Variants in GREB1 observed in about 807,000 individuals in gnomAD.
The protein encoded by GREB1 is protein GREB1.
In GREB1, 106 loss-of-function variants were observed where a neutral mutation model predicts 200.7. The ratio of observed to expected loss-of-function variants is 0.53; its 90% CI spans 0.45 to 0.62. The LOEUF is 0.62. GREB1 is among the 20% of genes least tolerant of loss of function. GREB1 has a pLI of 0.00. For synonymous variants in GREB1, 1,132 were observed against 1,092.4 expected, an observed-to-expected ratio of 1.04 and a Z score of -0.72; for missense variants, 2,243 against 2,556.8, an observed-to-expected ratio of 0.88 and a Z score of 2.65.
intron 17 of GREB1, among the ~76,000 whole-genome samples, chr2:11,605,235 C>CT (rs918596674): frequency 5.2e-5 from 5 of 96,196 alleles, no homozygotes; most frequent in East Asian, 3.5e-4. Flanking sequence ...CTTTTTTTTT[C>CT]TTTTTTTTGA....
In GREB1 at chr2:11,551,820, C is replaced by CCCT. The variant is rs550651185; in HGVS notation, c.-161-4630_-161-4628dup. 1.3e-3 allele frequency among the ~76,000 whole-genome samples: 197 copies of CCCT among 152,294 alleles called. 1 individual carries two copies. The highest frequency in any genetic ancestry group is 4.5e-3 in the African/African-American group (188 of 41,562). On this transcript the variant is annotated intron_variant, in intron 1 of 32. Transcript: ENST00000381486. ...CCGTGGCCAAAAATATCCTACTCAG[C>CCCT]CCTCCTGGCCTGCTTCCAGTACCAG...
chr2:11,600,656 T>A (rs1681700120), intron 15 of GREB1, 144 bp from the exon 16 acceptor site: 2 of 697,360 alleles, frequency 2.9e-6, no homozygotes, highest in African/African-American at 3.6e-5. Flanking sequence ...TTTTTTATTT[T>A]CTCTATTCTT....
chr2:11,608,040 C>T (rs1682565780), intron 17 of GREB1, among the ~76,000 whole-genome samples: 2 of 152,120 alleles, frequency 1.3e-5, no homozygotes, highest in African/African-American at 4.8e-5. Flanking sequence ...TCTCTAGATT[C>T]CAGAGGGGGA....
In GREB1 at chr2:11,640,661, A is replaced by G; in HGVS notation, c.*207A>G. On this transcript the variant is annotated 3_prime_UTR_variant, in exon 33 of 33. Coordinates refer to ENST00000381486, the MANE Select transcript of GREB1 (RefSeq NM_014668.4). This position sits in a 1 kb window ranked among gnomAD's most constrained non-coding sequence, Gnocchi z 4.6. ...CGCAGTGGGTGAGAATGAAAACTTGAGACTCCCAAGTTCTGGGCCAGCCCA... is the reference window on the plus strand; with the variant it reads ...CGCAGTGGGTGAGAATGAAAACTTGGGACTCCCAAGTTCTGGGCCAGCCCA... 1.7e-6 allele frequency: 1 copy of G among 572,904 alleles called. No individual in the cohort carries two copies. Among genetic ancestry groups the G allele is most frequent in the Non-Finnish European group, 3.0e-6 (1 of 330,700 alleles). 35.5% of individuals were successfully genotyped at this position (572,904 alleles called of 1,614,324 possible).
upstream of GREB1, among the ~76,000 whole-genome samples, chr2:11,533,062 C>A (rs1674134793): frequency 6.6e-6 from 1 of 152,152 alleles, no homozygotes; most frequent in African/African-American, 2.4e-5. Context: ...GAATGAATGG[C>A]AACTCCAAAC....
rs1275179635 is a variant in GREB1, at chr2:11,596,238, A to C, written c.1953A>C (p.Thr651=). 1 of 1,612,704 alleles carries C rather than the reference A, an allele frequency of 6.2e-7. No homozygotes were observed. Among genetic ancestry groups the C allele is most frequent in the Non-Finnish European group, 8.5e-7 (1 of 1,179,124 alleles). ...ATGTCAGTGGGACACCGGTGTGCAC[A>C]AGTGAGTGGTGAAAAGGAATCTCCC... ...SLDVSGTPVC[T]SYNLEPHSIR... Residue 651 remains threonine (T), a splice_region_variant and synonymous_variant, in exon 13 of 33, where the codon ACA becomes ACC. Transcript: ENST00000381486.
intron 1 of GREB1, among the ~76,000 whole-genome samples, chr2:11,537,697 A>G (rs940210739): frequency 6.8e-6 from 1 of 147,468 alleles, no homozygotes; most frequent in Non-Finnish European, 1.5e-5. Flanking sequence ...TTACATAAAT[A>G]TCATATATTA....
chr2:11,495,436 T>C (rs1329778688), intron 1 of GREB1, among the ~76,000 whole-genome samples: 3 of 152,124 alleles, frequency 2.0e-5, no homozygotes, highest in Admixed American at 1.3e-4. Flanking sequence ...AACATAATTG[T>C]TTTTCCACAA....
chr2:11,498,223 T>C (rs1198878027), intron 1 of GREB1, among the ~76,000 whole-genome samples: 1 of 152,096 alleles, frequency 6.6e-6, no homozygotes, highest in Non-Finnish European at 1.5e-5. Context: ...AGAAGTGTTA[T>C]AGTTTTATGT....
intron 17 of GREB1, among the ~76,000 whole-genome samples, chr2:11,605,371 G>A (rs756144058): frequency 3.3e-5 from 5 of 151,436 alleles, no homozygotes; most frequent in Non-Finnish European, 5.9e-5. Context: ...AATTACAGGC[G>A]CTTGCCACCA....
At chr2:11,508,682 A>G (rs1238851337) in intron 1 of GREB1, among the ~76,000 whole-genome samples, 1 of 152,166 alleles carries the variant, frequency 6.6e-6, no homozygotes, top group Non-Finnish European at 1.5e-5. Flanking sequence ...TTTTAAAGCC[A>G]ACATAAACTT....
At chr2:11,544,172 A>G (rs1675021646) in intron 1 of GREB1, among the ~76,000 whole-genome samples, 2 of 152,258 alleles carry the variant, frequency 1.3e-5, no homozygotes, top group Non-Finnish European at 2.9e-5. Flanking sequence ...CCCCGATTTT[A>G]GTTGGATGCT....
At chr2:11,604,353 C>T (rs1411638997) in intron 17 of GREB1, among the ~76,000 whole-genome samples, 1 of 152,164 alleles carries the variant, frequency 6.6e-6, no homozygotes, top group African/African-American at 2.4e-5. Context: ...ATAACACCTA[C>T]ATCATAGAGG....
chr2:11,609,424 A>G (rs548133178), intron 17 of GREB1, among the ~76,000 whole-genome samples: 2 of 152,146 alleles, frequency 1.3e-5, no homozygotes, highest in Admixed American at 6.5e-5. Flanking sequence ...GTGTGCCACC[A>G]TGCCTGACTA....
intron 1 of GREB1, among the ~76,000 whole-genome samples, chr2:11,528,784 A>G (rs1673970577): frequency 6.6e-6 from 1 of 152,156 alleles, no homozygotes; most frequent in South Asian, 2.1e-4. Context: ...CTACCTATAG[A>G]TGTTTATTCT....
At chr2:11,579,283 G>A (rs1481033300) in intron 6 of GREB1, among the ~76,000 whole-genome samples, 5 of 152,226 alleles carry the variant, frequency 3.3e-5, no homozygotes, top group East Asian at 1.9e-4. Context: ...GGCCTGGAGA[G>A]CCTGCTGTTT....
intron 1 of GREB1, among the ~76,000 whole-genome samples, chr2:11,499,323 A>G (rs767000812): frequency 1.6e-4 from 25 of 152,384 alleles, no homozygotes; most frequent in Middle Eastern, 6.8e-3. Context: ...GTGGGCACAC[A>G]CAGGCCGGCT....
intron 4 of GREB1, 78 bp from the exon 5 acceptor site, chr2:11,576,275 C>A: frequency 1.7e-6 from 2 of 1,205,188 alleles, no homozygotes; most frequent in South Asian, 1.5e-5. Flanking sequence ...CCATTGCATT[C>A]CAGCCTAGAT....
chr2:11,613,189 C>T (rs1208809777), intron 19 of GREB1, among the ~76,000 whole-genome samples: 11 of 152,214 alleles, frequency 7.2e-5, no homozygotes, highest in South Asian at 2.1e-4. Flanking sequence ...ACTCGATGTC[C>T]GCTGGTGTGG....
Sources: allele counts gnomAD v4.1 joint callset (sites outside exome capture counted in the v4.1 genomes callset), GRCh38; gene constraint gnomAD v4.1.1; non-coding constraint Gnocchi (gnomAD v3.1); transcripts MANE v1.5; gene names NCBI Gene and HGNC (gene_info 2026-07-23, HGNC 2026-07-21).